The following TPRN variants were observed in gnomAD, a reference collection of about 807,000 sequenced individuals.
The protein encoded by TPRN is taperin, also known as chromosome 9 open reading frame 75.
Under a neutral mutation model 42.6 loss-of-function variants are expected in TPRN, and 32 were observed. The ratio of observed to expected loss-of-function variants is 0.75; its 90% CI spans 0.57 to 1.01. TPRN has a LOEUF of 1.01. Ranked by LOEUF, TPRN falls within the 50% of genes least tolerant of loss-of-function variation. TPRN has a pLI of 0.00. For synonymous variants in TPRN, 541 were observed against 445.6 expected, an observed-to-expected ratio of 1.21 and a Z score of -2.70; for missense variants, 1,095 against 957.5, an observed-to-expected ratio of 1.14 and a Z score of -1.90.
rs767124336 is a variant in TPRN, at chr9:137,199,101, G to A, written c.1611C>T (p.Leu537=). The A allele has an allele frequency of 6.2e-7, 1 of 1,613,250 alleles. No homozygotes were observed. Among genetic ancestry groups the A allele is most frequent in the Admixed American group, 1.7e-5 (1 of 60,026 alleles). The part of the protein sequence containing the change: ...REAEEEEASC[L]LGPTLKKRYP... ...AGCGCTTCTTCAACGTGGGCCCCAG[G>A]AGGCAACTAGCCTCCTCCTCCTCGG... Residue 537 remains leucine, a synonymous_variant, in exon 1 of 4, where the codon CTC becomes CTT. Transcript: ENST00000409012.
Position 137,192,083 on chromosome 9 carries a change from G to T in TPRN, c.*29C>A, listed in dbSNP as rs762267470. The T allele has an allele frequency of 3.7e-6, 6 of 1,609,858 alleles. No individual in the cohort carries two copies. The highest frequency in any genetic ancestry group is 5.1e-6 in the Non-Finnish European group (6 of 1,179,900). On this transcript the variant is annotated 3_prime_UTR_variant, in exon 4 of 4. Transcript: ENST00000409012. ...CAGCTTCCGGGACTCCCACAGCTGGGCTCAGCCTTGGTCCTGGCAGTGCTG... is the reference window on the plus strand; with the variant it reads ...CAGCTTCCGGGACTCCCACAGCTGGTCTCAGCCTTGGTCCTGGCAGTGCTG...
At position 137,200,398 on chromosome 9, in the gene TPRN, C is replaced by T. The variant is rs1444396743; in HGVS notation, c.314G>A (p.Gly105Asp). 1 of 1,112,522 alleles carries T rather than the reference C, an allele frequency of 9.0e-7. No homozygotes were observed. Among genetic ancestry groups the T allele is most frequent in the Non-Finnish European group, 1.1e-6 (1 of 909,434 alleles). 68.9% of individuals were successfully genotyped at this position (1,112,522 alleles called of 1,614,324 possible). A position where few individuals can be genotyped will look rare whatever the true frequency, so the allele number is the denominator to read the frequency against. The change falls in exon 1 of 4, where the codon GGC (glycine) becomes GAC (aspartate). Residue 105 changes from glycine to aspartate, a missense_variant. Gly to Asp is a moderately conservative substitution (Grantham distance 94, BLOSUM62 -1). Coordinates refer to ENST00000409012, the MANE Select transcript of TPRN (RefSeq NM_001128228.3). This position sits in a 1 kb window ranked among gnomAD's most constrained non-coding sequence, Gnocchi z 4.3. ...DSVLIIETVPGFPPAPPAPGA... is the reference protein window; with the variant it reads ...DSVLIIETVPDFPPAPPAPGA... ...CGGGGCGGGCGGCGCGGGCGGGAAG[C>T]CGGGCACCGTCTCGATGATGAGGAC...
At position 137,199,274 on chromosome 9, in the gene TPRN, T is replaced by C; in HGVS notation, c.1438A>G (p.Arg480Gly). Reference protein sequence around the residue: ...AKLPYLPHPARPLHPARPGCV... With the variant: ...AKLPYLPHPAGPLHPARPGCV... Reference sequence around the variant, plus strand: ...CCGGGCCTGGCAGGGTGCAGAGGCCTGGCAGGGTGCGGGAGGTAGGGTAGT... The same window carrying C: ...CCGGGCCTGGCAGGGTGCAGAGGCCCGGCAGGGTGCGGGAGGTAGGGTAGT... Residue 480 changes from arginine to glycine, a missense_variant, in exon 1 of 4, where the codon AGG becomes GGG. Coordinates refer to ENST00000409012, the MANE Select transcript of TPRN (RefSeq NM_001128228.3). 6.2e-7 allele frequency: 1 copy of C among 1,612,514 alleles called. No individual in the cohort carries two copies. Among genetic ancestry groups the C allele is most frequent in the South Asian group, 1.1e-5 (1 of 91,086 alleles).
intron 1 of TPRN, among the ~76,000 whole-genome samples, chr9:137,196,553 C>T (rs534641539): frequency 6.6e-6 from 1 of 152,228 alleles, no homozygotes; most frequent in South Asian, 2.1e-4. Flanking sequence ...CTGCCACTAC[C>T]CTCCAGCCTG....
Position 137,199,722 on chromosome 9 carries a change from A to G in TPRN, c.990T>C (p.Ser330=), listed in dbSNP as rs2131354383. The change falls in exon 1 of 4, where the codon TCT becomes TCC. Residue 330 remains serine, a synonymous_variant. Coordinates refer to ENST00000409012, the MANE Select transcript of TPRN (RefSeq NM_001128228.3). ...CCTTGCTCTTGGGGATGACCATGAA[A>G]GAATTTCGAGAGTTTGCGCGGAGGC... ...LASLRANSRN[S]FMVIPKSKAS... is the part of the protein sequence containing the mutation. 1 of 1,611,922 alleles carries G rather than the reference A, an allele frequency of 6.2e-7. No homozygotes were observed. Among genetic ancestry groups the G allele is most frequent in the Non-Finnish European group, 8.5e-7 (1 of 1,179,640 alleles).
chr9:137,197,392 G>T (rs553160557), intron 1 of TPRN, among the ~76,000 whole-genome samples: 1 of 152,058 alleles, frequency 6.6e-6, no homozygotes, highest in Non-Finnish European at 1.5e-5. Context: ...GTGAGCCACC[G>T]CGCCCAGCCC....
At position 137,200,512 on chromosome 9, in the gene TPRN, T is replaced by C. The variant is rs1834792848; in HGVS notation, c.200A>G (p.Glu67Gly). The change falls in exon 1 of 4, where the codon GAG becomes GGG. Residue 67 changes from glutamate (E) to glycine (G), a missense_variant. Coordinates refer to ENST00000409012, the MANE Select transcript of TPRN (RefSeq NM_001128228.3). The surrounding 1 kb of genome is among the most constrained non-coding windows in gnomAD (Gnocchi z 4.3). ...RENPFMLLEA[E>G]RRRGGGAAGA... The stretch of plus-strand genomic sequence containing the variant: ...CGCCGCGCCCCCGCCGCGCCGCCGC[T>C]CGGCCTCCAGCAGCATGAACGGGTT... 2 of 1,159,936 alleles carry C rather than the reference T, an allele frequency of 1.7e-6. No individual in the cohort carries two copies. Among genetic ancestry groups the C allele is most frequent in the African/African-American group, 1.7e-5 (1 of 59,628 alleles). 71.9% of individuals were successfully genotyped at this position (1,159,936 alleles called of 1,614,324 possible).
intron 1 of TPRN, chr9:137,192,967 G>A (rs896351337): frequency 1.9e-6 from 1 of 520,684 alleles, no homozygotes; most frequent in East Asian, 3.4e-5. Context: ...GTCCCCAGAA[G>A]CCTCTAGACC....
intron 1 of TPRN, 22 bp from the exon 2 acceptor site, chr9:137,192,713 A>G (rs1164513592): frequency 6.2e-7 from 1 of 1,612,310 alleles, no homozygotes; most frequent in South Asian, 1.1e-5. Context: ...AGTCACGTGA[A>G]CGAGGGCTGA....
rs760140019 is a variant in TPRN, at chr9:137,200,454, C to T, written c.258G>A (p.Val86=). 1.7e-5 allele frequency: 19 copies of T among 1,124,414 alleles called. No individual in the cohort carries two copies. In the South Asian group the frequency reaches 4.7e-4, roughly 28 times the overall value. 69.7% of individuals were successfully genotyped at this position (1,124,414 alleles called of 1,614,324 possible). A position where few individuals can be genotyped will look rare whatever the true frequency, so the allele number is the denominator to read the frequency against. ...CGGCGCGGAGGGCGCGCACGCCAGG[C>T]ACGCGGCGGTACCGCTCCAGCAGCC... ...GARLLERYRR[V]PGVRALRADS... The change falls in exon 1 of 4, where the codon GTG becomes GTA. Residue 86 remains valine, a synonymous_variant. Transcript: ENST00000409012. The surrounding 1 kb of genome is among the most constrained non-coding windows in gnomAD (Gnocchi z 4.3).
chr9:137,191,985 G>A lies in TPRN; in HGVS notation c.*127C>T. On this transcript the variant is annotated 3_prime_UTR_variant, in exon 4 of 4. Coordinates refer to ENST00000409012, the MANE Select transcript of TPRN (RefSeq NM_001128228.3). ...AGGAGGCACCCTAGCTGCTTCCAGG[G>A]CCAGGAGGGGTGGGTGGGATACAGT... 8.3e-7 allele frequency: 1 copy of A among 1,209,090 alleles called. No individual in the cohort carries two copies. The highest frequency in any genetic ancestry group is 1.2e-6 in the Non-Finnish European group (1 of 848,494). The allele number at this position is 1,209,090 out of a possible 1,614,324, so 74.9% of individuals were successfully genotyped here.
chr9:137,200,682 C>A lies in TPRN; in HGVS notation c.30G>T (p.Gly10=). 1 of 1,219,028 alleles carries A rather than the reference C, an allele frequency of 8.2e-7. No individual in the cohort carries two copies. The allele number at this position is 1,219,028 out of a possible 1,614,324, so 75.5% of individuals were successfully genotyped here. ...TCCAAGCGGGCACCGCAGCGCGCGG[C>A]CCCGAGCCCGGCCGCCCCAGGGCGG... MAALGRPGS[G]PRAAVPAWKR... is the part of the protein sequence containing the mutation. The change falls in exon 1 of 4, where the codon GGG becomes GGT. Residue 10 remains glycine, a synonymous_variant. Transcript: ENST00000409012. The surrounding 1 kb of genome is among the most constrained non-coding windows in gnomAD (Gnocchi z 4.3).
rs776443248 is a variant in TPRN, at chr9:137,192,510, C to T, written c.1907G>A (p.Arg636Gln). The change falls in exon 2 of 4, where the codon CGG becomes CAG. Residue 636 changes from arginine (R) to glutamine (Q), a missense_variant. Transcript: ENST00000409012. ...EEKPFALFLPRATFVSSVRPE... is the reference protein window; with the variant it reads ...EEKPFALFLPQATFVSSVRPE... ...TCTCACGCTGCTCACAAACGTGGCC[C>T]GGGGCAGGAAGAGTGCAAAGGGCTT... 3.1e-5 allele frequency: 50 copies of T among 1,606,052 alleles called. No homozygotes were observed. Among genetic ancestry groups the T allele is most frequent in the African/African-American group, 5.4e-5 (4 of 74,696 alleles).
At chr9:137,192,395 G>A in intron 2 of TPRN, 30 bp from the exon 3 acceptor site, 1 of 1,612,560 alleles carries the variant, frequency 6.2e-7, no homozygotes. Flanking sequence ...TGCAGACGTG[G>A]ACACAGACCA....
Position 137,199,518 on chromosome 9 carries a change from G to C in TPRN, c.1194C>G (p.Ala398=), listed in dbSNP as rs1010071931. The C allele has an allele frequency of 1.9e-6, 3 of 1,574,430 alleles. No individual in the cohort carries two copies. In the Admixed American group the frequency reaches 5.5e-5, roughly 29 times the overall value. ...CGAGGGCGGTGGCTGTCCTGGGACA[G>C]GCCCCCTCCTCGACTGCCCACTGTG... is the stretch of plus-strand genomic sequence containing the variant. The part of the protein sequence containing the change: ...VEAQWAVEEG[A]CPRTATALAD... Residue 398 remains alanine, a synonymous_variant, in exon 1 of 4, where the codon GCC becomes GCG. Transcript: ENST00000409012.
rs920696104 is a variant in TPRN at position 137,192,110 on chromosome 9, G to A, written c.*2C>T. 29 of 1,612,586 alleles carry A rather than the reference G, an allele frequency of 1.8e-5. No homozygotes were observed. Among genetic ancestry groups the A allele is most frequent in the African/African-American group, 2.7e-5 (2 of 74,914 alleles). On this transcript the variant is annotated 3_prime_UTR_variant, in exon 4 of 4. Coordinates refer to ENST00000409012, the MANE Select transcript of TPRN (RefSeq NM_001128228.3). Reference sequence around the variant, plus strand: ...TCAGCCTTGGTCCTGGCAGTGCTGGGCTCAGAAATACAGGGCTGGCTCGCT... The same window carrying A: ...TCAGCCTTGGTCCTGGCAGTGCTGGACTCAGAAATACAGGGCTGGCTCGCT...
At chr9:137,198,545 C>G (rs1834740309) in intron 1 of TPRN, among the ~76,000 whole-genome samples, 1 of 152,276 alleles carries the variant, frequency 6.6e-6, no homozygotes, top group South Asian at 2.1e-4. Context: ...CTGGCCCTTC[C>G]CATTCATAGC....
chr9:137,199,401 C>G lies in TPRN; in HGVS notation c.1311G>C (p.Arg437Ser), dbSNP rs139046221. The change falls in exon 1 of 4, where the codon AGG (arginine) becomes AGC (serine). Residue 437 changes from arginine to serine, a missense_variant. Transcript: ENST00000409012. ...SEEAEPAEGL[R>S]VPGLAKNSRE... ...GGCTATTCTTGGCCAAGCCAGGAAC[C>G]CTGAGGCCCTCAGCAGGCTCAGCTT... 6.2e-7 allele frequency: 1 copy of G among 1,612,480 alleles called. No homozygotes were observed. Among genetic ancestry groups the G allele is most frequent in the Non-Finnish European group, 8.5e-7 (1 of 1,179,920 alleles).
At position 137,192,527 on chromosome 9, in the gene TPRN, A is replaced by G; in HGVS notation, c.1890T>C (p.Phe630=). Reference sequence around the variant, plus strand: ...ACGTGGCCCGGGGCAGGAAGAGTGCAAAGGGCTTCTCCTCTGAGCCGGATC... The same window carrying G: ...ACGTGGCCCGGGGCAGGAAGAGTGCGAAGGGCTTCTCCTCTGAGCCGGATC... ...EEGSGSEEKP[F]ALFLPRATFV... The change falls in exon 2 of 4, where the codon TTT becomes TTC. Residue 630 remains phenylalanine (F), a synonymous_variant. Coordinates refer to ENST00000409012, the MANE Select transcript of TPRN (RefSeq NM_001128228.3). 1.2e-6 allele frequency: 2 copies of G among 1,607,670 alleles called. No homozygotes were observed. The highest frequency in any genetic ancestry group is 3.4e-5 in the Admixed American group (2 of 59,162).
Sources: gnomAD v4.1 joint callset for allele counts (sites outside exome capture counted in the v4.1 genomes callset) on GRCh38, gnomAD v4.1.1 for gene constraint, Gnocchi (gnomAD v3.1) non-coding constraint, MANE v1.5 for transcripts, NCBI Gene and HGNC (gene_info 2026-07-23, HGNC 2026-07-21) for gene names.